The following SETD1A variants were observed in gnomAD, a reference collection of about 807,000 sequenced individuals.
The protein encoded by SETD1A is histone-lysine N-methyltransferase SETD1A.
Under a neutral mutation model 149.9 loss-of-function variants are expected in SETD1A, and 29 were observed. That is an observed-to-expected ratio of 0.19 (90% CI 0.14 to 0.26). SETD1A has a LOEUF of 0.26. Among genes scored for constraint, SETD1A ranks in the 10% least tolerant of loss-of-function variants. The pLI is 1.00. For missense variants in SETD1A, 2,109 were observed against 2,353.1 expected, an observed-to-expected ratio of 0.90 and a Z score of 2.15; for synonymous variants, 1,141 against 968.5, an observed-to-expected ratio of 1.18 and a Z score of -3.31.
intron 17 of SETD1A, 87 bp downstream of exon 17, chr16:30,981,267 GC>G: frequency 6.5e-7 from 1 of 1,544,446 alleles, no homozygotes; most frequent in Non-Finnish European, 8.8e-7. Flanking sequence ...TCCGGTTAAA[GC>G]CTTGCACACT....
chr16:30,979,340 C>T lies in SETD1A; in HGVS notation c.3554C>T (p.Thr1185Ile), dbSNP rs1002157116. 2.5e-6 allele frequency: 4 copies of T among 1,613,240 alleles called. No individual in the cohort carries two copies. Among genetic ancestry groups the T allele is most frequent in the East Asian group, 2.2e-5 (1 of 44,876 alleles). Residue 1185 changes from threonine (T) to isoleucine (I), a missense_variant, in exon 14 of 19, where the codon ACA becomes ATA. By Grantham distance (89) the Thr-to-Ile change is moderately conservative. Transcript: ENST00000262519. The stretch of plus-strand genomic sequence containing the variant: ...CCAGCCCCGGAGCCCCCTCCAGCCA[C>T]ACCGCCGCAGGCCAAGTTTCCCGGC... ...VVPAPEPPPA[T>I]PPQAKFPGPA...
chr16:30,984,454 C>A lies in SETD1A; in HGVS notation c.*431C>A, dbSNP rs2056428278. ...TTCTCCCCCTGGGGGGGCTCTGCAC[C>A]CCCAGTCCTGGGGACTCCGTGCCTG... is the stretch of plus-strand genomic sequence containing the variant. On this transcript the variant is annotated 3_prime_UTR_variant, in exon 19 of 19. Transcript: ENST00000262519. 5.8e-6 allele frequency: 1 copy of A among 173,556 alleles called. No homozygotes were observed. The highest frequency in any genetic ancestry group is 2.4e-5 in the African/African-American group (1 of 41,852). The allele number at this position is 173,556 out of a possible 1,614,324, so 10.8% of individuals were successfully genotyped here.
At chr16:30,972,611 C>T (rs1004606858) in intron 13 of SETD1A, among the ~76,000 whole-genome samples, 1 of 150,752 alleles carries the variant, frequency 6.6e-6, no homozygotes, top group South Asian at 2.1e-4. Context: ...TACACTCCAG[C>T]CTGGGCGACA....
Position 30,979,666 on chromosome 16 carries a change from A to G in SETD1A, c.3880A>G (p.Ser1294Gly). The change falls in exon 14 of 19, where the codon AGC (serine) becomes GGC (glycine). Residue 1294 changes from serine (S) to glycine (G), a missense_variant. Ser to Gly is a moderately conservative substitution (Grantham distance 56). Around this residue, in one of 8 missense-constraint regions of SETD1A, gnomAD observed 832 missense variants for 815.6 expected, o/e 1.02. Transcript: ENST00000262519. ...DEAERPRPLL[S>G]HILLEHNYAL... is the part of the protein sequence containing the mutation. ...GGCCGAGCGCCCTAGGCCCCTGCTCAGCCACATCCTCCTGGAGCACAACTA... is the reference window on the plus strand; with the variant it reads ...GGCCGAGCGCCCTAGGCCCCTGCTCGGCCACATCCTCCTGGAGCACAACTA... The G allele has an allele frequency of 6.2e-7, 1 of 1,609,058 alleles. No individual in the cohort carries two copies. The highest frequency in any genetic ancestry group is 8.5e-7 in the Non-Finnish European group (1 of 1,179,624).
Position 30,964,795 on chromosome 16 carries a change from C to T in SETD1A, c.1053C>T (p.Ser351=). The change falls in exon 7 of 19, where the codon TCC becomes TCT. Residue 351 remains serine, a synonymous_variant. Coordinates refer to ENST00000262519, the MANE Select transcript of SETD1A (RefSeq NM_014712.3). ...CATTGTCCTCGTCCTCCTCGTCATCCTCTTCCTCCTCGTCCTCTCAGTTTC... is the reference window on the plus strand; with the variant it reads ...CATTGTCCTCGTCCTCCTCGTCATCTTCTTCCTCCTCGTCCTCTCAGTTTC... ...SSSLSSSSSS[S]SSSSSSQFRS... is the part of the protein sequence containing the mutation. 1 of 1,614,180 alleles carries T rather than the reference C, an allele frequency of 6.2e-7. No homozygotes were observed. Among genetic ancestry groups the T allele is most frequent in the African/African-American group, 1.3e-5 (1 of 75,056 alleles).
At position 30,983,667 on chromosome 16, in the gene SETD1A, G is replaced by A. The variant is rs372105337; in HGVS notation, c.4845G>A (p.Val1615=). 3 of 1,613,700 alleles carry A rather than the reference G, an allele frequency of 1.9e-6. No individual in the cohort carries two copies. In the African/African-American group the frequency reaches 4.0e-5, roughly 22 times the overall value. ...CCGACATGCGGGAGAAGCGCTACGTGCAGGAGGGCATTGGCAGCAGCTACC... is the reference window on the plus strand; with the variant it reads ...CCGACATGCGGGAGAAGCGCTACGTACAGGAGGGCATTGGCAGCAGCTACC... ...MVADMREKRY[V]QEGIGSSYLF... The change falls in exon 18 of 19, where the codon GTG becomes GTA. Residue 1615 remains valine, a synonymous_variant. Transcript: ENST00000262519. The surrounding 1 kb of genome is among the most constrained non-coding windows in gnomAD (Gnocchi z 6.8).
At chr16:30,974,880 C>G (rs1320707617) in intron 13 of SETD1A, among the ~76,000 whole-genome samples, 1 of 152,096 alleles carries the variant, frequency 6.6e-6, no homozygotes, top group Non-Finnish European at 1.5e-5. Context: ...CGGTGGCTCA[C>G]GCCTGTAATC....
rs770984723 is a variant in SETD1A, at chr16:30,980,732, C to T, written c.4582-7C>T. 1.2e-6 allele frequency: 2 copies of T among 1,612,274 alleles called. No homozygotes were observed. Among genetic ancestry groups the T allele is most frequent in the African/African-American group, 1.3e-5 (1 of 75,070 alleles). ...TGCTCACCTCCTCCCTGCCGTGTGT[C>T]TCACAGGGGACGAACCGCGTGCTGT... On this transcript the variant is annotated splice_region_variant and splice_polypyrimidine_tract_variant and intron_variant, in intron 15 of 18. Transcript: ENST00000262519. This position sits in a 1 kb window ranked among gnomAD's most constrained non-coding sequence, Gnocchi z 7.7.
intron 13 of SETD1A, among the ~76,000 whole-genome samples, chr16:30,972,248 G>A (rs539249462): frequency 3.7e-4 from 57 of 152,314 alleles, no homozygotes; most frequent in Middle Eastern, 3.4e-3. Flanking sequence ...CAGCCAAACA[G>A]TAGGTGCAGG....
intron 6 of SETD1A, 65 bp downstream of exon 6, chr16:30,964,388 T>A: frequency 7.1e-7 from 1 of 1,416,440 alleles, no homozygotes; most frequent in Non-Finnish European, 9.9e-7. Context: ...GGGAAGAAGA[T>A]GCCCAGAGTC....
chr16:30,961,216 G>T lies in SETD1A; in HGVS notation c.247-51G>T. The T allele has an allele frequency of 6.3e-7, 1 of 1,579,464 alleles. No homozygotes were observed. The highest frequency in any genetic ancestry group is 8.6e-7 in the Non-Finnish European group (1 of 1,158,484). ...TTGCTAAAGTTTCCCGAAGGACAAAGGAACAGTGGTCAGTGTTGAGACCCC... is the reference window on the plus strand; with the variant it reads ...TTGCTAAAGTTTCCCGAAGGACAAATGAACAGTGGTCAGTGTTGAGACCCC... On this transcript the variant is annotated intron_variant, in intron 3 of 18. Coordinates refer to ENST00000262519, the MANE Select transcript of SETD1A (RefSeq NM_014712.3). This position sits in a 1 kb window ranked among gnomAD's most constrained non-coding sequence, Gnocchi z 4.0.
rs529752600 is a variant in SETD1A at position 30,981,237 on chromosome 16, G to T, written c.4812+57G>T. 6.9e-5 allele frequency: 110 copies of T among 1,602,968 alleles called. No homozygotes were observed. In the South Asian group the frequency reaches 1.2e-3, roughly 18 times the overall value. Reference sequence around the variant, plus strand: ...TCTGATGCAACAAGACAGCATGGGGGCTCACACACATGCTGTTTGTCCGGT... The same window carrying T: ...TCTGATGCAACAAGACAGCATGGGGTCTCACACACATGCTGTTTGTCCGGT... On this transcript the variant is annotated intron_variant, in intron 17 of 18. Transcript: ENST00000262519.
chr16:30,971,626 C>G lies in SETD1A; in HGVS notation c.3265C>G (p.Pro1089Ala). 1 of 1,613,748 alleles carries G rather than the reference C, an allele frequency of 6.2e-7. No homozygotes were observed. Residue 1089 changes from proline (P) to alanine (A), a missense_variant, in exon 13 of 19, where the codon CCA becomes GCA. This residue lies in a region of SETD1A where 832 missense variants were observed against 815.6 expected (regional missense o/e 1.02). Transcript: ENST00000262519. The part of the protein sequence containing the change: ...PPPREVPVPT[P>A]APVEVPVPER... Reference sequence around the variant, plus strand: ...CCCCAGAGAAGTCCCAGTGCCCACGCCAGCACCTGTGGAGGTGCCAGTGCC... The same window carrying G: ...CCCCAGAGAAGTCCCAGTGCCCACGGCAGCACCTGTGGAGGTGCCAGTGCC...
chr16:30,969,205 C>T (rs1157203821), intron 10 of SETD1A, 100 bp from the exon 11 acceptor site: 5 of 1,203,762 alleles, frequency 4.2e-6, no homozygotes, highest in African/African-American at 3.1e-5. Context: ...AAATGAAGAC[C>T]ATCAGGAAGA....
At position 30,979,575 on chromosome 16, in the gene SETD1A, T is replaced by G; in HGVS notation, c.3789T>G (p.Pro1263=). The G allele has an allele frequency of 6.2e-7, 1 of 1,610,374 alleles. No homozygotes were observed. The highest frequency in any genetic ancestry group is 1.3e-5 in the African/African-American group (1 of 75,016). Reference sequence around the variant, plus strand: ...TCCTGGCCGACCTGGCCCTGACCCCTGCCCGGCGCGGGCTGCCTGCCCTGC... The same window carrying G: ...TCCTGGCCGACCTGGCCCTGACCCCGGCCCGGCGCGGGCTGCCTGCCCTGC... ...LAVLADLALT[P]ARRGLPALPA... is the part of the protein sequence containing the mutation. Residue 1263 remains proline (P), a synonymous_variant, in exon 14 of 19, where the codon CCT becomes CCG. Transcript: ENST00000262519.
chr16:30,979,830 G>C lies in SETD1A; in HGVS notation c.4044G>C (p.Glu1348Asp). 1 of 1,551,086 alleles carries C rather than the reference G, an allele frequency of 6.4e-7. No homozygotes were observed. Among genetic ancestry groups the C allele is most frequent in the Non-Finnish European group, 8.7e-7 (1 of 1,155,164 alleles). Reference protein sequence around the residue: ...APEVVVAEAEEPKPQQLQQQR... With the variant: ...APEVVVAEAEDPKPQQLQQQR... ...AGGTGGTGGTGGCTGAGGCGGAGGA[G>C]CCCAAGCCGCAGCAACTGCAGCAGC... Residue 1348 changes from glutamate to aspartate, a missense_variant, in exon 14 of 19, where the codon GAG becomes GAC. By Grantham distance (45) the Glu-to-Asp change is conservative (BLOSUM62 2). Around this residue, in one of 8 missense-constraint regions of SETD1A, gnomAD observed 832 missense variants for 815.6 expected, o/e 1.02. Coordinates refer to ENST00000262519, the MANE Select transcript of SETD1A (RefSeq NM_014712.3).
rs1051281304 is a variant in SETD1A at position 30,957,888 on chromosome 16, T to C, written c.-92T>C. ...GCCGGCCGAGGCGAAGCCGCTACCCTCGGCCCCGTGGGTCCCCCGGCAGCG... is the reference window on the plus strand; with the variant it reads ...GCCGGCCGAGGCGAAGCCGCTACCCCCGGCCCCGTGGGTCCCCCGGCAGCG... On this transcript the variant is annotated 5_prime_UTR_variant, in exon 1 of 19. Transcript: ENST00000262519. 6.6e-6 allele frequency: 1 copy of C among 152,184 alleles called. No homozygotes were observed. The highest frequency in any genetic ancestry group is 2.4e-5 in the African/African-American group (1 of 41,418). 9.4% of individuals were successfully genotyped at this position (152,184 alleles called of 1,614,324 possible).
intron 13 of SETD1A, among the ~76,000 whole-genome samples, chr16:30,978,346 G>C (rs1292973099): frequency 6.6e-6 from 1 of 152,022 alleles, no homozygotes; most frequent in Non-Finnish European, 1.5e-5. Context: ...CTACGTAAGA[G>C]GTGTGATTGG....
Position 30,984,085 on chromosome 16 carries a change from A to AC in SETD1A, c.*69dup, listed in dbSNP as rs532850503. ...CCCCCTGGTGCCCTGAGCTCCCAGC[A>AC]CCCCCCCAGCCTTAGTGGGCTCAGC... On this transcript the variant is annotated 3_prime_UTR_variant, in exon 19 of 19. Transcript: ENST00000262519. 3.1e-4 allele frequency: 465 copies of AC among 1,482,154 alleles called. 1 individual carries two copies. Among genetic ancestry groups the AC allele is most frequent in the African/African-American group, 2.8e-3 (197 of 71,382 alleles). The allele number at this position is 1,482,154 out of a possible 1,614,324, so 91.8% of individuals were successfully genotyped here. A position where few individuals can be genotyped will look rare whatever the true frequency, so the allele number is the denominator to read the frequency against.
Sources: gnomAD v4.1 joint callset for allele counts (sites outside exome capture counted in the v4.1 genomes callset) on GRCh38, gnomAD v4.1.1 for gene constraint, gnomAD v4.1.1 regional missense constraint, Gnocchi (gnomAD v3.1) non-coding constraint, MANE v1.5 for transcripts, NCBI Gene and HGNC (gene_info 2026-07-23, HGNC 2026-07-21) for gene names.